Variants in EFCAB5 observed in about 807,000 individuals in gnomAD.
EFCAB5 encodes the protein EF-hand calcium-binding domain-containing protein 5.
In EFCAB5, 131 loss-of-function variants were observed where a neutral mutation model predicts 167.9. That is an observed-to-expected ratio of 0.78 (90% CI 0.68 to 0.90). The LOEUF (loss-of-function observed/expected upper bound fraction) is 0.90, where lower values mean the gene tolerates loss of function less well. Among genes scored for constraint, EFCAB5 ranks in the 40% least tolerant of loss-of-function variants. The pLI, the probability that EFCAB5 is intolerant of heterozygous loss-of-function variation, is 0.00. For missense variants in EFCAB5, 1,663 were observed against 1,745.2 expected (o/e 0.95, Z 0.84); for synonymous variants, 574 against 602.8 (o/e 0.95, Z 0.70).
chr17:29,985,666 G>A (rs2068266206), intron 4 of EFCAB5, among the ~76,000 whole-genome samples: 1 of 152,204 alleles, frequency 6.6e-6, no homozygotes, highest in Non-Finnish European at 1.5e-5. Flanking sequence ...GCAGGAACAT[G>A]TCCTTAAGGC....
chr17:30,003,102 G>A (rs192074505), intron 7 of EFCAB5, among the ~76,000 whole-genome samples: 12 of 140,536 alleles, frequency 8.5e-5, no homozygotes, highest in East Asian at 7.0e-4. Flanking sequence ...TTTGTAGCGG[G>A]GGGGGGGTCT....
chr17:30,024,256 A>G (rs1597686680), intron 7 of EFCAB5, among the ~76,000 whole-genome samples: 1 of 152,252 alleles, frequency 6.6e-6, no homozygotes, highest in East Asian at 1.9e-4. Flanking sequence ...CTGTTTGCAG[A>G]TGACATGATT....
intron 7 of EFCAB5, among the ~76,000 whole-genome samples, chr17:30,026,349 A>G (rs2069322638): frequency 6.6e-6 from 1 of 151,768 alleles, no homozygotes; most frequent in African/African-American, 2.4e-5. Context: ...GTGGACTTCC[A>G]TTAGAAAAAC....
intron 14 of EFCAB5, chr17:30,068,491 G>C: frequency 2.0e-6 from 1 of 510,810 alleles, no homozygotes; most frequent in East Asian, 3.2e-5. Flanking sequence ...GAAAGAAAAT[G>C]AAGAGGACAC....
chr17:30,003,513 G>A (rs1177905264), intron 7 of EFCAB5, among the ~76,000 whole-genome samples: 3 of 151,042 alleles, frequency 2.0e-5, no homozygotes, highest in South Asian at 2.1e-4. Flanking sequence ...GATTATAGGC[G>A]TGAGCCACTG....
intron 10 of EFCAB5, among the ~76,000 whole-genome samples, chr17:30,054,944 G>C (rs993326309): frequency 6.6e-6 from 1 of 152,114 alleles, no homozygotes; most frequent in African/African-American, 2.4e-5. Context: ...AATAGTAATG[G>C]TGCTGGCAAT....
At chr17:29,989,149 G>A (rs896250763) in intron 4 of EFCAB5, among the ~76,000 whole-genome samples, 1 of 152,134 alleles carries the variant, frequency 6.6e-6, no homozygotes, top group African/African-American at 2.4e-5. Flanking sequence ...CCTACATATG[G>A]TTACTTTCTG....
At chr17:30,021,290 T>C (rs1301873534) in intron 7 of EFCAB5, among the ~76,000 whole-genome samples, 1 of 149,258 alleles carries the variant, frequency 6.7e-6, no homozygotes, top group African/African-American at 2.4e-5. Context: ...CTTTACCCCA[T>C]TTTCTCCTTT....
At chr17:30,007,914 G>A (rs867943438) in intron 7 of EFCAB5, among the ~76,000 whole-genome samples, 2 of 152,230 alleles carry the variant, frequency 1.3e-5, no homozygotes, top group South Asian at 2.1e-4. Context: ...GCTTGAGCCT[G>A]GGAAGTCAGG....
At chr17:30,072,061 G>T (rs928605697) in intron 14 of EFCAB5, among the ~76,000 whole-genome samples, 2 of 152,068 alleles carry the variant, frequency 1.3e-5, no homozygotes, top group Non-Finnish European at 2.9e-5. Context: ...GATATGAGGC[G>T]TAAGTTATAG....
chr17:30,029,446 G>A (rs867121236), intron 7 of EFCAB5, among the ~76,000 whole-genome samples: 1 of 152,090 alleles, frequency 6.6e-6, no homozygotes, highest in African/African-American at 2.4e-5. Flanking sequence ...CAGAATTGTT[G>A]TATAGGTACT....
At chr17:30,052,276 CT>C (rs1222637299) in intron 9 of EFCAB5, among the ~76,000 whole-genome samples, 1 of 152,190 alleles carries the variant, frequency 6.6e-6, no homozygotes, top group East Asian at 1.9e-4. Context: ...GCGATTCCCC[CT>C]GCCTCATCCT....
intron 1 of EFCAB5, among the ~76,000 whole-genome samples, chr17:29,933,592 A>G (rs1296785160): frequency 2.0e-5 from 3 of 152,180 alleles, no homozygotes; most frequent in African/African-American, 7.2e-5. Context: ...TACTTAGAGC[A>G]CTTTCACTCT....
chr17:29,951,943 G>A (rs1456028321), intron 3 of EFCAB5, among the ~76,000 whole-genome samples: 2 of 152,158 alleles, frequency 1.3e-5, no homozygotes, highest in Non-Finnish European at 1.5e-5. Flanking sequence ...AAGGTGAAAT[G>A]CACATACTTA....
At chr17:30,028,907 C>T (rs2069403291) in intron 7 of EFCAB5, among the ~76,000 whole-genome samples, 1 of 152,096 alleles carries the variant, frequency 6.6e-6, no homozygotes, top group Non-Finnish European at 1.5e-5. Context: ...AGAGCCCACC[C>T]TATTGACCTC....
chr17:30,073,646 A>G (rs2070801661), intron 14 of EFCAB5: 1 of 713,010 alleles, frequency 1.4e-6, no homozygotes, highest in East Asian at 2.7e-5. Context: ...TTTTGCCCGT[A>G]GGGAAAGAAG....
intron 14 of EFCAB5, chr17:30,065,735 G>A (rs1304619116): frequency 6.6e-6 from 1 of 152,104 alleles, no homozygotes; most frequent in Non-Finnish European, 1.5e-5. Context: ...CACCAGTAAA[G>A]ACATATATAG....
intron 21 of EFCAB5, 70 bp from the exon 22 acceptor site, chr17:30,092,770 C>G: frequency 1.0e-6 from 1 of 1,001,770 alleles, no homozygotes; most frequent in South Asian, 1.5e-5. Context: ...ATTATGTAAG[C>G]TGTTGAACTG....
Position 30,056,117 on chromosome 17 carries a change from G to A in EFCAB5, c.2326G>A (p.Glu776Lys). ...KMKYVTFEDE[E>K]QANLIYGNSR... is the part of the protein sequence containing the mutation. ...GAAGTATGTCACATTTGAAGATGAGGAACAGGCAAACTTAATCTATGGTAA... is the reference window on the plus strand; with the variant it reads ...GAAGTATGTCACATTTGAAGATGAGAAACAGGCAAACTTAATCTATGGTAA... The change falls in exon 12 of 23, where the codon GAA becomes AAA. Residue 776 changes from glutamate (E) to lysine (K), a missense_variant. Coordinates refer to ENST00000394835, the MANE Select transcript of EFCAB5 (RefSeq NM_198529.4). The A allele has an allele frequency of 6.2e-7, 1 of 1,612,008 alleles. No individual in the cohort carries two copies. The highest frequency in any genetic ancestry group is 8.5e-7 in the Non-Finnish European group (1 of 1,178,914).
Sources: allele counts gnomAD v4.1 joint callset (sites outside exome capture counted in the v4.1 genomes callset), GRCh38; gene constraint gnomAD v4.1.1; transcripts MANE v1.5; gene names NCBI Gene and HGNC (gene_info 2026-07-23, HGNC 2026-07-21).